The following MBOAT1 variants were observed in gnomAD, a reference collection of about 807,000 sequenced individuals.
MBOAT1 encodes membrane bound glycerophospholipid O-acyltransferase 1.
Under a neutral mutation model 64.4 loss-of-function variants are expected in MBOAT1, and 67 were observed. The ratio of observed to expected loss-of-function variants is 1.04; its 90% confidence interval spans 0.85 to 1.27. The LOEUF is 1.27. MBOAT1 is among the 50% of genes most tolerant of loss of function. MBOAT1 has a pLI of 0.00. For synonymous variants in MBOAT1, 229 were observed against 218.9 expected (o/e 1.05, Z -0.41); for missense variants, 563 against 604.6 (o/e 0.93, Z 0.72).
chr6:20,208,203 T>C (rs1014157940), intron 1 of MBOAT1, among the ~76,000 whole-genome samples: 1 of 151,868 alleles, frequency 6.6e-6, no homozygotes, highest in African/African-American at 2.4e-5. Flanking sequence ...ATCCCAGCAC[T>C]TTGGGAGGCC....
intron 8 of MBOAT1, among the ~76,000 whole-genome samples, chr6:20,120,639 A>G (rs915619738): frequency 2.7e-5 from 4 of 149,934 alleles, no homozygotes; most frequent in African/African-American, 9.9e-5. Context: ...ATTGCACACC[A>G]GCTGGGCAAC....
Position 20,163,143 on chromosome 6 carries a change from A to G in MBOAT1, c.100-10374T>C, listed in dbSNP as rs1761912143. ...GGCTTCGAGGCAAGAAAAAATCCTG[A>G]AGTACATAGGTGATATCTACGTATT... On this transcript the variant is annotated intron_variant, in intron 1 of 12. Transcript: ENST00000324607. Among the ~76,000 whole-genome samples, 4 of 152,292 alleles carry G rather than the reference A, an allele frequency of 2.6e-5. No individual in the cohort carries two copies. In the South Asian group the frequency reaches 8.3e-4, roughly 32 times the overall value.
At chr6:20,161,938 T>C (rs144896286) in intron 1 of MBOAT1, among the ~76,000 whole-genome samples, 90 of 152,282 alleles carry the variant, frequency 5.9e-4, no homozygotes, top group African/African-American at 2.0e-3. Flanking sequence ...AGGAGGCTGG[T>C]ATCTGAGATT....
Position 20,163,264 on chromosome 6 carries a change from A to G in MBOAT1, c.100-10495T>C, listed in dbSNP as rs537714418. Reference sequence around the variant, plus strand: ...AAACTCAGGACCATTTAGGACTCTTAAAAAACCCTGTCCACAAGCACGCTG... The same window carrying G: ...AAACTCAGGACCATTTAGGACTCTTGAAAAACCCTGTCCACAAGCACGCTG... On this transcript the variant is annotated intron_variant, in intron 1 of 12. Coordinates refer to ENST00000324607, the MANE Select transcript of MBOAT1 (RefSeq NM_001080480.3). 1.2e-4 allele frequency among the ~76,000 whole-genome samples: 18 copies of G among 152,070 alleles called. No individual in the cohort carries two copies. The South Asian group carries it at 2.5e-3, about 21-fold the overall frequency.
intron 11 of MBOAT1, among the ~76,000 whole-genome samples, chr6:20,111,837 C>CAT (rs1476326103): frequency 3.2e-5 from 3 of 92,630 alleles, no homozygotes; most frequent in African/African-American, 1.1e-4. Context: ...TATATATACA[C>CAT]ATATATATAC....
intron 5 of MBOAT1, among the ~76,000 whole-genome samples, chr6:20,129,791 T>G (rs758096922): frequency 1.3e-5 from 2 of 152,226 alleles, no homozygotes; most frequent in Non-Finnish European, 2.9e-5. Context: ...CTAATGTCTA[T>G]AACCACTACC....
intron 12 of MBOAT1, among the ~76,000 whole-genome samples, chr6:20,105,116 C>A (rs1235865875): frequency 1.3e-5 from 2 of 152,174 alleles, no homozygotes; most frequent in Admixed American, 6.5e-5. Context: ...ATGGGCACAC[C>A]CTGGCCATAG....
chr6:20,131,391 C>G (rs549239394), intron 4 of MBOAT1, among the ~76,000 whole-genome samples, 192 bp from the exon 5 acceptor site: 7 of 152,324 alleles, frequency 4.6e-5, no homozygotes, highest in Non-Finnish European at 1.0e-4. Context: ...TGAGTGAGTT[C>G]TCACAAGACC....
chr6:20,181,191 C>A (rs1762497359), intron 1 of MBOAT1, among the ~76,000 whole-genome samples: 1 of 152,184 alleles, frequency 6.6e-6, no homozygotes, highest in African/African-American at 2.4e-5. Context: ...ACAACTTCGA[C>A]TGTTATGGTG....
chr6:20,169,825 T>G (rs567082416), intron 1 of MBOAT1, among the ~76,000 whole-genome samples: 4 of 152,324 alleles, frequency 2.6e-5, no homozygotes, highest in Admixed American at 2.6e-4. Context: ...ATCTTTAAAA[T>G]TTAACCCCAC....
At position 20,112,742 on chromosome 6, in the gene MBOAT1, A is replaced by C; in HGVS notation, c.1209+134T>G. On this transcript the variant is annotated intron_variant, in intron 11 of 12. Coordinates refer to ENST00000324607, the MANE Select transcript of MBOAT1 (RefSeq NM_001080480.3). ...ATTTCTCTAATGGGAAGACTCTTGCATATTGTTTGATTTTTCAAAACATCA... is the reference window on the plus strand; with the variant it reads ...ATTTCTCTAATGGGAAGACTCTTGCCTATTGTTTGATTTTTCAAAACATCA... 8 of 925,450 alleles carry C rather than the reference A, an allele frequency of 8.6e-6. No individual in the cohort carries two copies. In the South Asian group the frequency reaches 1.4e-4, roughly 16 times the overall value. 57.3% of individuals were successfully genotyped at this position (925,450 alleles called of 1,614,324 possible). A position where few individuals can be genotyped will look rare whatever the true frequency, so the allele number is the denominator to read the frequency against.
chr6:20,138,088 T>C (rs1253599731), intron 4 of MBOAT1, among the ~76,000 whole-genome samples: 1 of 152,168 alleles, frequency 6.6e-6, no homozygotes, highest in Non-Finnish European at 1.5e-5. Context: ...AATTTCAGGT[T>C]GGTATGTACT....
intron 8 of MBOAT1, among the ~76,000 whole-genome samples, chr6:20,124,006 A>G (rs943992805): frequency 2.0e-5 from 3 of 152,252 alleles, no homozygotes; most frequent in Non-Finnish European, 4.4e-5. Context: ...GCAGTGAGCC[A>G]AGATCGTGCC....
intron 1 of MBOAT1, among the ~76,000 whole-genome samples, chr6:20,198,753 A>C (rs1381584105): frequency 6.6e-6 from 1 of 152,240 alleles, no homozygotes; most frequent in African/African-American, 2.4e-5. Context: ...TCTCATAAAA[A>C]GTCGTAAGCA....
chr6:20,156,930 C>T (rs1761707555), intron 1 of MBOAT1, among the ~76,000 whole-genome samples: 1 of 152,150 alleles, frequency 6.6e-6, no homozygotes, highest in Non-Finnish European at 1.5e-5. Context: ...TCGGGGTTAA[C>T]AGGCAACCTA....
chr6:20,173,222 T>C (rs1415881544), intron 1 of MBOAT1, among the ~76,000 whole-genome samples: 5 of 152,226 alleles, frequency 3.3e-5, no homozygotes, highest in Admixed American at 6.5e-5. Flanking sequence ...TCTCAGGTAT[T>C]GCTTTATAGC....
chr6:20,168,441 G>A (rs543700424), intron 1 of MBOAT1, among the ~76,000 whole-genome samples: 5 of 148,702 alleles, frequency 3.4e-5, no homozygotes, highest in Non-Finnish European at 7.4e-5. Flanking sequence ...CTCCAGCCTG[G>A]GCCACAGAGT....
chr6:20,151,244 A>G lies in MBOAT1; in HGVS notation c.264T>C (p.Phe88=). ...FCFGWYSVHL[F]VLVLMCYAIM... ...TTGCATAGCACATTAACACCAGCACAAAAAGATGCACAGAGTACCTTTAAG... is the reference window on the plus strand; with the variant it reads ...TTGCATAGCACATTAACACCAGCACGAAAAGATGCACAGAGTACCTTTAAG... Residue 88 remains phenylalanine, a synonymous_variant, in exon 3 of 13, where the codon TTT becomes TTC. Coordinates refer to ENST00000324607, the MANE Select transcript of MBOAT1 (RefSeq NM_001080480.3). 6.2e-7 allele frequency: 1 copy of G among 1,612,638 alleles called. No individual in the cohort carries two copies. The highest frequency in any genetic ancestry group is 8.5e-7 in the Non-Finnish European group (1 of 1,178,988).
intron 12 of MBOAT1, among the ~76,000 whole-genome samples, chr6:20,105,161 T>A (rs1442422720): frequency 6.6e-6 from 1 of 152,222 alleles, no homozygotes; most frequent in Admixed American, 6.5e-5. Flanking sequence ...ACATCCAAAA[T>A]ATGTCATACT....
Sources: gnomAD v4.1 joint callset for allele counts (sites outside exome capture counted in the v4.1 genomes callset) on GRCh38, gnomAD v4.1.1 for gene constraint, MANE v1.5 for transcripts, NCBI Gene and HGNC (gene_info 2026-07-23, HGNC 2026-07-21) for gene names.